ASTN2: variants seen among roughly 807,000 people sequenced by gnomAD.
ASTN2 encodes astrotactin 2, also known as astrotactin-2.
In ASTN2, 54 loss-of-function variants were observed where a neutral mutation model predicts 139.8. That is an observed-to-expected ratio of 0.39 (90% CI 0.31 to 0.48). The LOEUF is 0.48. ASTN2 is among the 20% of genes least tolerant of loss of function. The pLI is 0.95. For missense variants in ASTN2, 1,565 were observed against 1,725.1 expected, an observed-to-expected ratio of 0.91 and a Z score of 1.64; for synonymous variants, 756 against 719.5, an observed-to-expected ratio of 1.05 and a Z score of -0.81.
rs10983253 is a variant in ASTN2, at chr9:116,588,819, C to T, written c.3355+29505G>A. Among the ~76,000 whole-genome samples the T allele has an allele frequency of 0.019, 2,889 of 152,196 alleles. 395 individuals are homozygous for T. The South Asian group carries it at 0.29, about 15-fold the overall frequency. ...GGATTATCCACTTTTATATGGGTAGCTGACCCACATCTTAGCAACACAGAC... is the reference window on the plus strand; with the variant it reads ...GGATTATCCACTTTTATATGGGTAGTTGACCCACATCTTAGCAACACAGAC... On this transcript the variant is annotated intron_variant, in intron 19 of 22. Transcript: ENST00000313400.
intron 10 of ASTN2, among the ~76,000 whole-genome samples, chr9:116,932,024 TA>T (rs1313516055): frequency 9.9e-5 from 15 of 151,600 alleles, no homozygotes; most frequent in Non-Finnish European, 1.8e-4. Flanking sequence ...TGAGGGGTGG[TA>T]GGGGGAAGGG....
intron 3 of ASTN2, among the ~76,000 whole-genome samples, chr9:117,145,496 G>T (rs935441854): frequency 6.6e-6 from 1 of 152,172 alleles, no homozygotes; most frequent in African/African-American, 2.4e-5. Context: ...TTCTTTCCTT[G>T]TTCCTTTCCT....
chr9:117,403,038 G>C (rs1438299502), intron 1 of ASTN2, among the ~76,000 whole-genome samples: 1 of 152,210 alleles, frequency 6.6e-6, no homozygotes, highest in East Asian at 1.9e-4. Flanking sequence ...AACATTGGAG[G>C]ATGAGGCTGA....
At chr9:116,530,228 T>C (rs1851286294) in intron 19 of ASTN2, among the ~76,000 whole-genome samples, 1 of 148,520 alleles carries the variant, frequency 6.7e-6, no homozygotes, top group Non-Finnish European at 1.5e-5. Context: ...GGACATTATG[T>C]TAAGTGAAAT....
intron 10 of ASTN2, among the ~76,000 whole-genome samples, chr9:116,865,502 C>T (rs1196704402): frequency 6.9e-6 from 1 of 144,304 alleles, no homozygotes; most frequent in African/African-American, 2.6e-5. Context: ...GACTGATCTA[C>T]AGTGCGGGTC....
chr9:117,305,386 C>G (rs1834973958), intron 1 of ASTN2, among the ~76,000 whole-genome samples: 1 of 152,176 alleles, frequency 6.6e-6, no homozygotes, highest in Non-Finnish European at 1.5e-5. Context: ...GTCTAGAAAA[C>G]TGAAACCAAG....
intron 2 of ASTN2, among the ~76,000 whole-genome samples, chr9:117,232,893 T>A (rs1832939238): frequency 6.6e-6 from 1 of 152,138 alleles, no homozygotes; most frequent in Non-Finnish European, 1.5e-5. Flanking sequence ...TACAGATTTT[T>A]TTTTTTTTCC....
At chr9:116,645,352 A>G (rs1343259061) in intron 17 of ASTN2, among the ~76,000 whole-genome samples, 1 of 152,206 alleles carries the variant, frequency 6.6e-6, no homozygotes, top group East Asian at 1.9e-4. Context: ...TATTCTTCAT[A>G]AAGAGTTTTT....
intron 16 of ASTN2, among the ~76,000 whole-genome samples, chr9:116,674,624 T>G (rs1037146108): frequency 6.6e-6 from 1 of 152,226 alleles, no homozygotes; most frequent in Non-Finnish European, 1.5e-5. Context: ...CAGCCAAATC[T>G]TTTACTGAAG....
intron 1 of ASTN2, among the ~76,000 whole-genome samples, chr9:117,359,242 A>G (rs1829630339): frequency 6.6e-6 from 1 of 152,176 alleles, no homozygotes; most frequent in African/African-American, 2.4e-5. Flanking sequence ...TGTAAAATGG[A>G]AAGTGCTTAA....
chr9:116,500,084 G>A (rs1019755141), intron 19 of ASTN2, among the ~76,000 whole-genome samples: 2 of 151,956 alleles, frequency 1.3e-5, no homozygotes, highest in Non-Finnish European at 2.9e-5. Flanking sequence ...GATGCCTGAC[G>A]AACCCTGGAG....
At chr9:116,797,802 G>A (rs1298067001) in intron 13 of ASTN2, among the ~76,000 whole-genome samples, 4 of 152,172 alleles carry the variant, frequency 2.6e-5, no homozygotes, top group African/African-American at 9.7e-5. Flanking sequence ...ATGGGACCTT[G>A]GCATTGGTGC....
intron 10 of ASTN2, among the ~76,000 whole-genome samples, chr9:116,921,041 C>T (rs1007146172): frequency 6.6e-6 from 1 of 152,176 alleles, no homozygotes; most frequent in African/African-American, 2.4e-5. Context: ...AGTATGGCCA[C>T]ATCTGCTTCT....
chr9:117,205,763 C>A (rs138859519), intron 3 of ASTN2, among the ~76,000 whole-genome samples: 1 of 152,094 alleles, frequency 6.6e-6, no homozygotes, highest in African/African-American at 2.4e-5. Context: ...GTGTCTGAAC[C>A]GGGATCTCCA....
intron 2 of ASTN2, among the ~76,000 whole-genome samples, chr9:117,285,726 A>G (rs1834432758): frequency 6.6e-6 from 1 of 152,084 alleles, no homozygotes; most frequent in African/African-American, 2.4e-5. Flanking sequence ...GATTCGGCCT[A>G]CTCCACCGAT....
chr9:116,834,423 AT>A (rs1479249882), intron 11 of ASTN2, among the ~76,000 whole-genome samples: 2 of 151,900 alleles, frequency 1.3e-5, no homozygotes, highest in East Asian at 1.9e-4. Flanking sequence ...AGAATTGTCT[AT>A]TTTTTCTTTC....
At chr9:116,966,160 T>C (rs1186754072) in intron 10 of ASTN2, among the ~76,000 whole-genome samples, 3 of 152,224 alleles carry the variant, frequency 2.0e-5, no homozygotes, top group Non-Finnish European at 4.4e-5. Context: ...CTTTTAAAAG[T>C]GTTTAACTTC....
chr9:117,231,736 T>C (rs895162021), intron 2 of ASTN2, among the ~76,000 whole-genome samples: 2 of 150,272 alleles, frequency 1.3e-5, no homozygotes, highest in Admixed American at 6.6e-5. Flanking sequence ...GAGGGGAGAG[T>C]GTAAGGTGAG....
chr9:116,529,603 T>C (rs1851234223), intron 19 of ASTN2, among the ~76,000 whole-genome samples: 2 of 152,116 alleles, frequency 1.3e-5, no homozygotes, highest in African/African-American at 4.8e-5. Flanking sequence ...GGCAAAATGA[T>C]ATGGTTTTGC....
Sources: gnomAD v4.1 joint callset for allele counts (sites outside exome capture counted in the v4.1 genomes callset) on GRCh38, gnomAD v4.1.1 for gene constraint, MANE v1.5 for transcripts, NCBI Gene and HGNC (gene_info 2026-07-23, HGNC 2026-07-21) for gene names.